The following KSR2 variants were observed in gnomAD, a reference collection of about 807,000 sequenced individuals.
KSR2 encodes the protein kinase suppressor of ras 2.
Under a neutral mutation model 107.8 loss-of-function variants are expected in KSR2, and 25 were observed. The ratio of observed to expected loss-of-function variants is 0.23; its 90% confidence interval spans 0.17 to 0.32. The LOEUF is 0.32. KSR2 is among the 10% of genes least tolerant of loss of function. The pLI is 1.00. For missense variants in KSR2, 887 were observed against 1,268.9 expected (o/e 0.70, Z 4.57); for synonymous variants, 480 against 507.0 (o/e 0.95, Z 0.71).
intron 4 of KSR2, among the ~76,000 whole-genome samples, chr12:117,726,760 A>G (rs1194805223): frequency 1.3e-5 from 2 of 152,252 alleles, no homozygotes; most frequent in Non-Finnish European, 2.9e-5. Flanking sequence ...ACGAAGCTAC[A>G]TAAAAACACA....
At chr12:117,718,184 A>T (rs918648866) in intron 4 of KSR2, among the ~76,000 whole-genome samples, 1 of 152,258 alleles carries the variant, frequency 6.6e-6, no homozygotes, top group Non-Finnish European at 1.5e-5. Context: ...CTTCATCTGG[A>T]TTAACAGAGT....
chr12:117,774,415 G>A (rs948444578), intron 3 of KSR2, among the ~76,000 whole-genome samples: 1 of 152,116 alleles, frequency 6.6e-6, no homozygotes, highest in Non-Finnish European at 1.5e-5. Context: ...CCTGGGTCTC[G>A]TTGGGCACTA....
intron 3 of KSR2, among the ~76,000 whole-genome samples, chr12:117,824,083 A>T (rs1280006847): frequency 1.3e-5 from 2 of 152,328 alleles, no homozygotes; most frequent in African/African-American, 4.8e-5. Flanking sequence ...AAAGGAATGA[A>T]ATCCTGTCAT....
At chr12:117,888,202 A>G (rs1321963153) in intron 1 of KSR2, among the ~76,000 whole-genome samples, 1 of 152,160 alleles carries the variant, frequency 6.6e-6, no homozygotes, top group Non-Finnish European at 1.5e-5. Context: ...GGCACTTTCA[A>G]CCATTCTCTT....
At chr12:117,779,141 C>T (rs879608119) in intron 3 of KSR2, among the ~76,000 whole-genome samples, 1 of 152,188 alleles carries the variant, frequency 6.6e-6, no homozygotes, top group Non-Finnish European at 1.5e-5. Flanking sequence ...AGGTTATCCA[C>T]ATAGTCTTGA....
At chr12:117,533,587 A>G (rs1875816844) in intron 10 of KSR2, among the ~76,000 whole-genome samples, 1 of 152,238 alleles carries the variant, frequency 6.6e-6, no homozygotes, top group Non-Finnish European at 1.5e-5. Context: ...TTACTATTAG[A>G]TAACAGAAGT....
In KSR2 at chr12:117,834,136, G is replaced by C. The variant is rs142288391; in HGVS notation, c.472+21292C>G. ...AGCCTGGGCAAGAGAGTGAGACCCT[G>C]TCTCAAAAAAAATAAAAAAAAAAAA... On this transcript the variant is annotated intron_variant, in intron 3 of 19. Coordinates refer to ENST00000339824, the MANE Select transcript of KSR2 (RefSeq NM_173598.6). 9.3e-3 allele frequency among the ~76,000 whole-genome samples: 1,373 copies of C among 147,060 alleles called. 20 individuals are homozygous for C. The highest frequency in any genetic ancestry group is 0.034 in the African/African-American group (1,287 of 38,370).
chr12:117,666,311 A>C (rs980155531), intron 5 of KSR2, among the ~76,000 whole-genome samples: 3 of 152,166 alleles, frequency 2.0e-5, no homozygotes, highest in Admixed American at 2.0e-4. Context: ...TTTTCCAGGC[A>C]CAGAATTAAT....
At chr12:117,840,255 G>A (rs182749622) in intron 3 of KSR2, among the ~76,000 whole-genome samples, 93 of 152,048 alleles carry the variant, frequency 6.1e-4, no homozygotes, top group Middle Eastern at 3.4e-3. Flanking sequence ...GCACCACAAC[G>A]CCTGGCTAAT....
intron 3 of KSR2, among the ~76,000 whole-genome samples, chr12:117,814,206 G>A (rs940476362): frequency 3.9e-5 from 6 of 152,078 alleles, no homozygotes; most frequent in African/African-American, 1.2e-4. Flanking sequence ...ACCACTGTGG[G>A]ATGACTACAG....
At chr12:117,839,214 C>A (rs977464023) in intron 3 of KSR2, among the ~76,000 whole-genome samples, 2 of 152,202 alleles carry the variant, frequency 1.3e-5, no homozygotes, top group African/African-American at 4.8e-5. Context: ...GACATAATTT[C>A]TGTGATTAGA....
At chr12:117,661,416 G>A (rs1466738042) in intron 5 of KSR2, among the ~76,000 whole-genome samples, 1 of 152,036 alleles carries the variant, frequency 6.6e-6, no homozygotes, top group Non-Finnish European at 1.5e-5. Context: ...GTCCCAAATG[G>A]TTCACAAAAA....
At chr12:117,632,281 G>A (rs1882845077) in intron 5 of KSR2, among the ~76,000 whole-genome samples, 1 of 137,358 alleles carries the variant, frequency 7.3e-6, no homozygotes. Context: ...TTGGAGTGCA[G>A]TGGCGCAATC....
At chr12:117,736,812 C>CA (rs759133206) in intron 4 of KSR2, among the ~76,000 whole-genome samples, 1,373 of 80,142 alleles carry the variant, frequency 0.017, 22 homozygotes, top group African/African-American at 0.047. Context: ...GACCCTGTCT[C>CA]AAAAAAAAAA....
At chr12:117,952,715 G>A (rs1042035597) in intron 1 of KSR2, among the ~76,000 whole-genome samples, 1 of 151,710 alleles carries the variant, frequency 6.6e-6, no homozygotes, top group Non-Finnish European at 1.5e-5. Context: ...CGTGCGTGGC[G>A]GCTCACACCT....
At chr12:117,484,663 C>T (rs1290938620) in intron 15 of KSR2, 114 bp from the exon 16 acceptor site, 1 of 1,045,284 alleles carries the variant, frequency 9.6e-7, no homozygotes, top group African/African-American at 1.6e-5. Context: ...TGGGACCACA[C>T]TCAACAGAGG....
At chr12:117,833,834 C>CA (rs1443005874) in intron 3 of KSR2, among the ~76,000 whole-genome samples, 2 of 151,980 alleles carry the variant, frequency 1.3e-5, no homozygotes, top group East Asian at 3.9e-4. Flanking sequence ...CGTGATTTCC[C>CA]AAAAAATCAC....
chr12:117,500,510 G>A (rs916610953), intron 14 of KSR2, among the ~76,000 whole-genome samples: 1 of 152,210 alleles, frequency 6.6e-6, no homozygotes, highest in Non-Finnish European at 1.5e-5. Context: ...AGGAGTTCAG[G>A]TCATTTGCCA....
chr12:117,881,082 G>A (rs1894013682), intron 1 of KSR2, among the ~76,000 whole-genome samples: 1 of 151,976 alleles, frequency 6.6e-6, no homozygotes, highest in Non-Finnish European at 1.5e-5. Context: ...CAAGGGCCGG[G>A]GCCTTGTTTT....
Sources: gnomAD v4.1 joint callset for allele counts (sites outside exome capture counted in the v4.1 genomes callset) on GRCh38, gnomAD v4.1.1 for gene constraint, MANE v1.5 for transcripts, NCBI Gene and HGNC (gene_info 2026-07-23, HGNC 2026-07-21) for gene names.